The following CPVL variants were observed in gnomAD, a reference collection of about 807,000 sequenced individuals.
The protein encoded by CPVL is carboxypeptidase vitellogenic like, also known as probable serine carboxypeptidase CPVL.
Under a neutral mutation model 63.7 loss-of-function variants are expected in CPVL, and 51 were observed. The ratio of observed to expected loss-of-function variants is 0.80; its 90% CI spans 0.64 to 1.01. CPVL has a LOEUF of 1.01. Among genes scored for constraint, CPVL ranks in the 50% least tolerant of loss-of-function variants. The pLI is 0.00. For missense variants in CPVL, 530 were observed against 573.1 expected (o/e 0.92, Z 0.77); for synonymous variants, 195 against 206.0 (o/e 0.95, Z 0.46).
intron 12 of CPVL, among the ~76,000 whole-genome samples, chr7:29,029,739 A>G (rs1333443723): frequency 1.3e-5 from 2 of 152,198 alleles, no homozygotes; most frequent in Non-Finnish European, 2.9e-5. Context: ...TCAATAGCAC[A>G]GTAGGGTGAC....
At chr7:29,102,820 A>G (rs1787292262) in intron 3 of CPVL, among the ~76,000 whole-genome samples, 1 of 152,166 alleles carries the variant, frequency 6.6e-6, no homozygotes. Flanking sequence ...GAAAGAGAGA[A>G]GTTATCTATT....
chr7:29,041,885 A>G (rs1562737155), intron 11 of CPVL, among the ~76,000 whole-genome samples: 1 of 152,190 alleles, frequency 6.6e-6, no homozygotes, highest in Non-Finnish European at 1.5e-5. Flanking sequence ...TTATATATAT[A>G]TAGTGTTAAG....
intron 12 of CPVL, among the ~76,000 whole-genome samples, chr7:29,023,393 C>T (rs1165457444): frequency 2.6e-5 from 4 of 152,156 alleles, no homozygotes; most frequent in Non-Finnish European, 5.9e-5. Flanking sequence ...TCAGATCTCA[C>T]AAGACTTACT....
chr7:29,096,710 G>A (rs199843094), intron 3 of CPVL, among the ~76,000 whole-genome samples: 7 of 152,206 alleles, frequency 4.6e-5, no homozygotes, highest in East Asian at 3.9e-4. Context: ...ACAGCTGGTC[G>A]CGGTGGCTCA....
At chr7:29,045,744 C>A (rs190123194) in intron 11 of CPVL, among the ~76,000 whole-genome samples, 164 of 152,280 alleles carry the variant, frequency 1.1e-3, no homozygotes, top group Non-Finnish European at 1.0e-3. Context: ...TGATTACCAT[C>A]AACATTTTGC....
At chr7:29,092,860 G>A (rs1476875202) in intron 5 of CPVL, among the ~76,000 whole-genome samples, 158 bp from the exon 6 acceptor site, 1 of 152,120 alleles carries the variant, frequency 6.6e-6, no homozygotes, top group Non-Finnish European at 1.5e-5. Flanking sequence ...CCTCCTCCCA[G>A]GAGGATGCTA....
chr7:29,037,267 A>G (rs1788618922), intron 11 of CPVL, among the ~76,000 whole-genome samples: 1 of 152,080 alleles, frequency 6.6e-6, no homozygotes, highest in African/African-American at 2.4e-5. Context: ...AAAAGTGGCC[A>G]GGCGTGGTGG....
intron 11 of CPVL, among the ~76,000 whole-genome samples, chr7:29,058,999 T>C (rs1467083997): frequency 6.6e-6 from 1 of 152,124 alleles, no homozygotes; most frequent in Non-Finnish European, 1.5e-5. Context: ...ATTGCTTCCA[T>C]TTCCTTCTCT....
chr7:29,095,973 G>T, intron 4 of CPVL, 130 bp downstream of exon 4: 2 of 781,260 alleles, frequency 2.6e-6, no homozygotes, highest in Non-Finnish European at 2.2e-6. Context: ...TTGCCAGAAA[G>T]TTGTGTTTTG....
chr7:29,174,526 A>C (rs13234236), intron 5 of CPVL, among the ~76,000 whole-genome samples: 18,018 of 152,142 alleles, frequency 0.12, 1,257 homozygotes, highest in African/African-American at 0.18. Flanking sequence ...GGTAGAGTGG[A>C]TTTGGAAGGG....
Position 29,095,140 on chromosome 7 carries a change from G to T in CPVL, c.406C>A (p.Arg136Ser), listed in dbSNP as rs750931528. 1 of 1,613,108 alleles carries T rather than the reference G, an allele frequency of 6.2e-7. No individual in the cohort carries two copies. The highest frequency in any genetic ancestry group is 8.5e-7 in the Non-Finnish European group (1 of 1,179,190). Residue 136 changes from arginine to serine, a missense_variant and splice_region_variant, in exon 5 of 13, where the codon CGT (arginine) becomes AGT (serine). Coordinates refer to ENST00000265394, the MANE Select transcript of CPVL (RefSeq NM_031311.5). ...PYVVTSNMTL[R>S]DRDFPWTTTL... Reference sequence around the variant, plus strand: ...GTGGTCCAGGGGAAGTCTCTGTCACGCACTGTGAAAACAAAGAAGAGGGGT... The same window carrying T: ...GTGGTCCAGGGGAAGTCTCTGTCACTCACTGTGAAAACAAAGAAGAGGGGT...
chr7:29,195,364 G>C (rs766033259), upstream of CPVL: 1 of 233,922 alleles, frequency 4.3e-6, no homozygotes, highest in Non-Finnish European at 8.2e-6. Context: ...CGACCTGTTT[G>C]CCGTGCCGCG....
intron 5 of CPVL, among the ~76,000 whole-genome samples, chr7:29,159,591 C>T (rs1472179538): frequency 6.6e-6 from 1 of 152,056 alleles, no homozygotes; most frequent in East Asian, 1.9e-4. Flanking sequence ...AAACCTCTTC[C>T]CACACAAGTC....
intron 11 of CPVL, among the ~76,000 whole-genome samples, chr7:29,062,708 T>C (rs993791920): frequency 6.6e-6 from 1 of 152,156 alleles, no homozygotes; most frequent in Non-Finnish European, 1.5e-5. Context: ...ATTCCTAATA[T>C]ACACATTGTA....
chr7:29,107,778 T>C (rs1787867547), intron 3 of CPVL, among the ~76,000 whole-genome samples: 1 of 152,236 alleles, frequency 6.6e-6, no homozygotes, highest in Non-Finnish European at 1.5e-5. Flanking sequence ...TGGGAATTCC[T>C]GTCCTCTTCC....
At chr7:29,092,565 A>C in intron 6 of CPVL, 58 bp downstream of exon 6, 1 of 1,183,840 alleles carries the variant, frequency 8.4e-7, no homozygotes, top group Non-Finnish European at 1.3e-6. Context: ...TAATTTTCCT[A>C]TTGAGATAGA....
chr7:29,113,641 C>A (rs911289688), intron 2 of CPVL: 2 of 152,182 alleles, frequency 1.3e-5, no homozygotes, highest in Admixed American at 1.3e-4. Context: ...TCCCACTTTA[C>A]AGATAAGAAA....
intron 7 of CPVL, among the ~76,000 whole-genome samples, chr7:29,074,320 G>A (rs1284314762): frequency 6.6e-6 from 1 of 152,156 alleles, no homozygotes; most frequent in Non-Finnish European, 1.5e-5. Context: ...GCTTCCTTGT[G>A]TAATATAAAG....
At chr7:29,093,206 G>A (rs1241868697) in intron 5 of CPVL, among the ~76,000 whole-genome samples, 3 of 151,606 alleles carry the variant, frequency 2.0e-5, no homozygotes, top group Non-Finnish European at 4.4e-5. Context: ...GCGAAACCCC[G>A]TTTCTACTAA....
Sources: allele counts gnomAD v4.1 joint callset (sites outside exome capture counted in the v4.1 genomes callset), GRCh38; gene constraint gnomAD v4.1.1; transcripts MANE v1.5; gene names NCBI Gene and HGNC (gene_info 2026-07-23, HGNC 2026-07-21).